Variants in CSGALNACT1 observed in about 807,000 individuals in gnomAD.
CSGALNACT1 encodes the protein beta4GalNAcT-1.
A neutral mutation model predicts 51.0 loss-of-function variants in CSGALNACT1; 52 were observed. The observed-to-expected ratio is 1.02, with a 90% confidence interval of 0.82 to 1.29. The LOEUF (loss-of-function observed/expected upper bound fraction) is 1.29, where lower values mean the gene tolerates loss of function less well. Ranked by LOEUF, CSGALNACT1 falls within the 50% of genes most tolerant of loss-of-function variation. CSGALNACT1 has a pLI of 0.00. For synonymous variants in CSGALNACT1, 341 were observed against 254.4 expected (o/e 1.34, Z -3.24); for missense variants, 935 against 679.2 (o/e 1.38, Z -4.19).
At chr8:19,600,830 A>G (rs1434320246) in intron 2 of CSGALNACT1, among the ~76,000 whole-genome samples, 3 of 109,126 alleles carry the variant, frequency 2.7e-5, no homozygotes, top group South Asian at 2.8e-4. Flanking sequence ...AAGTTTTTGG[A>G]AAAAAAAAAA....
chr8:19,535,514 C>G (rs1587982615), intron 3 of CSGALNACT1, among the ~76,000 whole-genome samples: 1 of 152,122 alleles, frequency 6.6e-6, no homozygotes, highest in South Asian at 2.1e-4. Flanking sequence ...AACTAGTTCT[C>G]AAAATCACTA....
intron 1 of CSGALNACT1, among the ~76,000 whole-genome samples, chr8:19,705,729 C>G (rs904230859): frequency 1.3e-5 from 2 of 151,600 alleles, no homozygotes; most frequent in Non-Finnish European, 2.9e-5. Context: ...AGAGCGAGAC[C>G]CAGTCTCAAA....
chr8:19,689,931 A>G (rs1180677388), intron 1 of CSGALNACT1, among the ~76,000 whole-genome samples: 1 of 152,072 alleles, frequency 6.6e-6, no homozygotes, highest in Non-Finnish European at 1.5e-5. Flanking sequence ...CCTTTTAAAA[A>G]CCAACCGCCA....
chr8:19,586,160 C>A (rs150097493), intron 3 of CSGALNACT1, among the ~76,000 whole-genome samples: 1 of 151,992 alleles, frequency 6.6e-6, no homozygotes, highest in Admixed American at 6.6e-5. Context: ...GTCAGGAGTT[C>A]GAGACTAGCC....
chr8:19,473,171 C>G lies in CSGALNACT1; in HGVS notation c.635-14529G>C, dbSNP rs1421578601. Among the ~76,000 whole-genome samples, 6 of 152,290 alleles carry G rather than the reference C, an allele frequency of 3.9e-5. No individual in the cohort carries two copies. The South Asian group carries it at 8.3e-4, about 21-fold the overall frequency. On this transcript the variant is annotated intron_variant, in intron 4 of 9. Coordinates refer to ENST00000454498, the Ensembl canonical transcript of CSGALNACT1. Reference sequence around the variant, plus strand: ...CAGAGATGTAAAGATTTTTGATATTCTGGTAAAAAGCCTCAGGATATACAA... The same window carrying G: ...CAGAGATGTAAAGATTTTTGATATTGTGGTAAAAAGCCTCAGGATATACAA...
intron 6 of CSGALNACT1, among the ~76,000 whole-genome samples, chr8:19,432,956 T>C (rs2059857720): frequency 6.7e-6 from 1 of 150,326 alleles, no homozygotes. Flanking sequence ...TAATGACCGA[T>C]TTTTTTTTTC....
At chr8:19,475,599 A>T (rs546143887) in intron 4 of CSGALNACT1, among the ~76,000 whole-genome samples, 1 of 152,318 alleles carries the variant, frequency 6.6e-6, no homozygotes, top group Admixed American at 6.5e-5. Context: ...CTGATCACCA[A>T]GGGAAGATAA....
At chr8:19,517,680 A>G (rs2079837874) in intron 3 of CSGALNACT1, among the ~76,000 whole-genome samples, 1 of 152,146 alleles carries the variant, frequency 6.6e-6, no homozygotes, top group Non-Finnish European at 1.5e-5. Flanking sequence ...AGCACTCAAG[A>G]GAGAATGAGA....
intron 1 of CSGALNACT1, among the ~76,000 whole-genome samples, chr8:19,682,194 C>A (rs946655233): frequency 1.3e-5 from 2 of 152,118 alleles, no homozygotes; most frequent in Non-Finnish European, 2.9e-5. Flanking sequence ...AACTTGGAAA[C>A]AGCTACTTAG....
At chr8:19,584,222 C>G (rs1049966794) in intron 3 of CSGALNACT1, among the ~76,000 whole-genome samples, 1 of 152,208 alleles carries the variant, frequency 6.6e-6, no homozygotes, top group Non-Finnish European at 1.5e-5. Flanking sequence ...CCTCCCAGAG[C>G]TAACATTTGA....
intron 8 of CSGALNACT1, among the ~76,000 whole-genome samples, chr8:19,412,553 C>T (rs894216447): frequency 2.0e-5 from 3 of 152,198 alleles, no homozygotes; most frequent in African/African-American, 7.2e-5. Context: ...CAATCAGAGT[C>T]TCTCCTCAGC....
At chr8:19,440,121 C>T (rs1249898246) in intron 5 of CSGALNACT1, among the ~76,000 whole-genome samples, 190 bp from the exon 5 acceptor site, 1 of 152,122 alleles carries the variant, frequency 6.6e-6, no homozygotes, top group East Asian at 1.9e-4. Context: ...TTCATCTTAT[C>T]GGGACAACAA....
chr8:19,528,453 C>T (rs1188617483), intron 3 of CSGALNACT1, among the ~76,000 whole-genome samples: 1 of 152,072 alleles, frequency 6.6e-6, no homozygotes, highest in Non-Finnish European at 1.5e-5. Context: ...CAGACAAAAA[C>T]AAGGTCAACA....
chr8:19,670,264 A>G (rs148121925), intron 1 of CSGALNACT1, among the ~76,000 whole-genome samples: 2 of 152,174 alleles, frequency 1.3e-5, no homozygotes, highest in African/African-American at 2.4e-5. Flanking sequence ...GCAGTACCTT[A>G]TAACTAGTAG....
intron 1 of CSGALNACT1, among the ~76,000 whole-genome samples, chr8:19,622,021 C>T (rs749473916): frequency 6.6e-6 from 1 of 152,162 alleles, no homozygotes; most frequent in Non-Finnish European, 1.5e-5. Flanking sequence ...GTAGTCGATA[C>T]TTCCATAAAG....
chr8:19,615,558 A>G (rs946779325), intron 1 of CSGALNACT1, among the ~76,000 whole-genome samples: 1 of 152,232 alleles, frequency 6.6e-6, no homozygotes, highest in African/African-American at 2.4e-5. Context: ...CCATATAACT[A>G]AAGCAATAGA....
chr8:19,413,131 A>C (rs1307150124), intron 8 of CSGALNACT1, among the ~76,000 whole-genome samples: 1 of 152,170 alleles, frequency 6.6e-6, no homozygotes, highest in African/African-American at 2.4e-5. Flanking sequence ...ATTTCCTGTA[A>C]GTCTTTTCTA....
At chr8:19,536,353 A>T (rs77241581) in intron 3 of CSGALNACT1, among the ~76,000 whole-genome samples, 66 of 151,914 alleles carry the variant, frequency 4.3e-4, no homozygotes, top group Middle Eastern at 3.4e-3. Context: ...GTTAAAAAAA[A>T]CAAATGCATC....
At chr8:19,485,207 C>T (rs918768178) in intron 4 of CSGALNACT1, among the ~76,000 whole-genome samples, 3 of 152,108 alleles carry the variant, frequency 2.0e-5, no homozygotes, top group Non-Finnish European at 4.4e-5. Context: ...CCCCATCCAG[C>T]GTCTTCCCAT....
Sources: allele counts gnomAD v4.1 joint callset (sites outside exome capture counted in the v4.1 genomes callset), GRCh38; gene constraint gnomAD v4.1.1; transcripts MANE v1.5; gene names NCBI Gene and HGNC (gene_info 2026-07-23, HGNC 2026-07-21).